TMEM41B: variants seen among roughly 807,000 people sequenced by gnomAD.
TMEM41B encodes protein stasimon.
In TMEM41B, 18 loss-of-function variants were observed where a neutral mutation model predicts 31.9. The observed-to-expected ratio is 0.56, with a 90% CI of 0.39 to 0.84. The LOEUF (loss-of-function observed/expected upper bound fraction) is 0.84. Ranked by LOEUF, TMEM41B falls within the 40% of genes least tolerant of loss-of-function variation. TMEM41B has a pLI of 0.00. For synonymous variants in TMEM41B, 144 were observed against 124.3 expected, an observed-to-expected ratio of 1.16 and a Z score of -1.05; for missense variants, 322 against 348.0, an observed-to-expected ratio of 0.93 and a Z score of 0.59.
At chr11:9,305,212 A>T (rs184077446) in intron 1 of TMEM41B, among the ~76,000 whole-genome samples, 30 of 152,230 alleles carry the variant, frequency 2.0e-4, no homozygotes, top group Admixed American at 1.6e-3. Context: ...ATATATATAT[A>T]TAAGTATTGA....
Position 9,314,523 on chromosome 11 carries a change from A to G in TMEM41B, c.-82T>C. ...CTGTTGCAGGCTCCTTACTACGCCG[A>G]AGCGCCACGGCTAGAGCCACTTCCG... is the stretch of plus-strand genomic sequence containing the variant. On this transcript the variant is annotated 5_prime_UTR_variant, in exon 1 of 7. Coordinates refer to ENST00000528080, the MANE Select transcript of TMEM41B (RefSeq NM_015012.4). The G allele has an allele frequency of 2.0e-6, 3 of 1,468,474 alleles. No homozygotes were observed. Among genetic ancestry groups the G allele is most frequent in the Non-Finnish European group, 2.7e-6 (3 of 1,106,528 alleles). The allele number at this position is 1,468,474 out of a possible 1,614,324, so 91.0% of individuals were successfully genotyped here. A position where few individuals can be genotyped will look rare whatever the true frequency, so the allele number is the denominator to read the frequency against.
chr11:9,300,285 A>G (rs1853216099), intron 1 of TMEM41B, among the ~76,000 whole-genome samples: 1 of 152,146 alleles, frequency 6.6e-6, no homozygotes, highest in Non-Finnish European at 1.5e-5. Context: ...GGAAAAAAAG[A>G]ACATTGTTCT....
chr11:9,290,878 G>A (rs1189695876), intron 3 of TMEM41B, among the ~76,000 whole-genome samples: 2 of 152,124 alleles, frequency 1.3e-5, no homozygotes, highest in East Asian at 3.8e-4. Flanking sequence ...CAATACTTTA[G>A]GCAGCTGAGG....
At chr11:9,313,920 A>C (rs1269389048) in intron 1 of TMEM41B, among the ~76,000 whole-genome samples, 1 of 152,138 alleles carries the variant, frequency 6.6e-6, no homozygotes, top group Non-Finnish European at 1.5e-5. Flanking sequence ...CTACTACTTC[A>C]CTGATCTGGC....
At chr11:9,311,652 G>A in intron 1 of TMEM41B, 1 of 859,288 alleles carries the variant, frequency 1.2e-6, no homozygotes, top group South Asian at 1.4e-5. Context: ...GGGTGGATAT[G>A]GATTTGGCCC....
Position 9,283,366 on chromosome 11 carries a change from T to C in TMEM41B, c.*58A>G. ...GAGGTGATTTTAAAACATAAATGGA[T>C]GCACCTGTTAATCCTGAGATGGTGA... On this transcript the variant is annotated 3_prime_UTR_variant, in exon 7 of 7. Transcript: ENST00000528080. 7.4e-7 allele frequency: 1 copy of C among 1,343,168 alleles called. No homozygotes were observed. Among genetic ancestry groups the C allele is most frequent in the Non-Finnish European group, 1.0e-6 (1 of 973,440 alleles). 83.2% of individuals were successfully genotyped at this position (1,343,168 alleles called of 1,614,324 possible). A position where few individuals can be genotyped will look rare whatever the true frequency, so the allele number is the denominator to read the frequency against.
intron 3 of TMEM41B, 125 bp from the exon 4 acceptor site, chr11:9,288,660 AG>A (rs1490871558): frequency 1.5e-6 from 1 of 656,856 alleles, no homozygotes; most frequent in Non-Finnish European, 2.5e-6. Context: ...CCAAAGGTCT[AG>A]CCTCTAAGTT....
At chr11:9,310,494 C>T (rs1439347670) in intron 1 of TMEM41B, among the ~76,000 whole-genome samples, 1 of 151,906 alleles carries the variant, frequency 6.6e-6, no homozygotes, top group African/African-American at 2.4e-5. Context: ...ATTGATTTCA[C>T]ACCCCTCACA....
Position 9,300,481 on chromosome 11 carries a change from G to A in TMEM41B, c.122-780C>T, listed in dbSNP as rs915442169. 3.9e-5 allele frequency among the ~76,000 whole-genome samples: 6 copies of A among 152,124 alleles called. No homozygotes were observed. In the South Asian group the frequency reaches 1.0e-3, roughly 26 times the overall value. ...CTTTCTCTTTATACCAAATGCATCG[G>A]AATATAAACTTGAATCTCAAATGTT... is the stretch of plus-strand genomic sequence containing the variant. On this transcript the variant is annotated intron_variant, in intron 1 of 6. Transcript: ENST00000528080.
intron 1 of TMEM41B, among the ~76,000 whole-genome samples, chr11:9,309,199 TCG>T: frequency 6.6e-6 from 1 of 151,638 alleles, no homozygotes; most frequent in South Asian, 2.1e-4. Context: ...TGAGCCAAGA[TCG>T]CACCATTGCA....
intron 1 of TMEM41B, among the ~76,000 whole-genome samples, chr11:9,307,893 C>A (rs1057286705): frequency 6.6e-6 from 1 of 152,062 alleles, no homozygotes; most frequent in Non-Finnish European, 1.5e-5. Context: ...CTACAGGCAC[C>A]ACCCGCCACC....
chr11:9,313,144 G>A (rs1853603197), intron 1 of TMEM41B, among the ~76,000 whole-genome samples: 2 of 152,122 alleles, frequency 1.3e-5, no homozygotes, highest in African/African-American at 4.8e-5. Context: ...CAGTAGTAGA[G>A]TCTTCAAAAC....
At chr11:9,288,134 T>C (rs1852877441) in intron 4 of TMEM41B, 4 of 350,718 alleles carry the variant, frequency 1.1e-5, no homozygotes, top group Non-Finnish European at 2.0e-5. Flanking sequence ...GTTCCTAAGC[T>C]TGAAAACACC....
intron 1 of TMEM41B, among the ~76,000 whole-genome samples, chr11:9,313,614 A>G (rs1853615784): frequency 6.6e-6 from 1 of 152,264 alleles, no homozygotes; most frequent in Non-Finnish European, 1.5e-5. Context: ...AAATGTCAGG[A>G]TGATGTAGTG....
chr11:9,299,325 T>TACACACACACACACACACACACAC (rs139794462), intron 2 of TMEM41B, among the ~76,000 whole-genome samples: 5,112 of 122,916 alleles, frequency 0.042, 173 homozygotes, highest in East Asian at 0.11. Flanking sequence ...TATACATACA[T>TACACACACACACACACACACACAC]ACACACACAC....
rs774405189 is a variant in TMEM41B at position 9,299,720 on chromosome 11, T to C, written c.122-19A>G. On this transcript the variant is annotated intron_variant, in intron 1 of 6. Coordinates refer to ENST00000528080, the MANE Select transcript of TMEM41B (RefSeq NM_015012.4). ...GATTTTTCTGGAAGAAAAAAGAAAG[T>C]ATAATTAAGATAAATATAAAGGAAG... 11 of 1,499,138 alleles carry C rather than the reference T, an allele frequency of 7.3e-6. No individual in the cohort carries two copies. The highest frequency in any genetic ancestry group is 4.5e-5 in the East Asian group (2 of 44,326). 92.9% of individuals were successfully genotyped at this position (1,499,138 alleles called of 1,614,324 possible). A position where few individuals can be genotyped will look rare whatever the true frequency, so the allele number is the denominator to read the frequency against.
At chr11:9,296,088 C>T (rs974291749) in intron 2 of TMEM41B, among the ~76,000 whole-genome samples, 2 of 151,388 alleles carry the variant, frequency 1.3e-5, no homozygotes, top group African/African-American at 4.9e-5. Flanking sequence ...AATTCCTGAC[C>T]TTAGGTGATC....
chr11:9,309,252 A>AG (rs1564968850), intron 1 of TMEM41B, among the ~76,000 whole-genome samples: 1 of 151,816 alleles, frequency 6.6e-6, no homozygotes, highest in Non-Finnish European at 1.5e-5. Flanking sequence ...ATTTCAAAAA[A>AG]AAAGAAAGAA....
At chr11:9,308,995 C>T (rs1853466173) in intron 1 of TMEM41B, among the ~76,000 whole-genome samples, 1 of 152,116 alleles carries the variant, frequency 6.6e-6, no homozygotes, top group Admixed American at 6.6e-5. Context: ...CACCTATAAT[C>T]CCAGCACTTT....
Sources: gnomAD v4.1 joint callset for allele counts (sites outside exome capture counted in the v4.1 genomes callset) on GRCh38, gnomAD v4.1.1 for gene constraint, MANE v1.5 for transcripts, NCBI Gene and HGNC (gene_info 2026-07-23, HGNC 2026-07-21) for gene names.